The following TRIM6 variants were observed in gnomAD, a reference collection of about 807,000 sequenced individuals.
The protein encoded by TRIM6 is tripartite motif-containing protein 6.
A neutral mutation model predicts 51.2 loss-of-function variants in TRIM6; 43 were observed. That is an observed-to-expected ratio of 0.84 (90% CI 0.66 to 1.08). The LOEUF is 1.08. Ranked by LOEUF, TRIM6 falls within the 50% of genes least tolerant of loss-of-function variation. The pLI is 0.00. For synonymous variants in TRIM6, 215 were observed against 232.4 expected (o/e 0.93, Z 0.68); for missense variants, 669 against 619.0 (o/e 1.08, Z -0.86).
chr11:5,599,744 A>G (rs1847721271), intron 1 of TRIM6, among the ~76,000 whole-genome samples: 1 of 152,172 alleles, frequency 6.6e-6, no homozygotes, highest in Non-Finnish European at 1.5e-5. Context: ...ATAAGATAGC[A>G]CATTTATTTC....
chr11:5,603,612 TG>T lies in TRIM6; in HGVS notation c.386del (p.Gly129GlufsTer48), dbSNP rs778464353. The stretch of plus-strand genomic sequence containing the variant: ...TGAAAGCAGTTCTTTGTGCAGACCA[TG>T]GAGAAAAACTGCAGCTCTTCTGTCA... ...QLKAVLCADH[G>X]EKLQLFCQED... On this transcript the variant is annotated frameshift_variant, in exon 2 of 8. Coordinates refer to ENST00000380097, the MANE Select transcript of TRIM6 (RefSeq NM_001003818.3). LOFTEE classifies it high-confidence loss of function. The T allele has an allele frequency of 3.7e-6, 6 of 1,613,544 alleles. No homozygotes were observed. The South Asian group carries it at 6.6e-5, about 18-fold the overall frequency.
In TRIM6 at chr11:5,603,240, A is replaced by G. The variant is rs772484459; in HGVS notation, c.18-6A>G. ...TGATCCTTTTTTTGTTTGTTCATCT[A>G]CCTAGGATTCTACAGGCAGGAAACA... On this transcript the variant is annotated splice_polypyrimidine_tract_variant and splice_region_variant and intron_variant, in intron 1 of 7. Coordinates refer to ENST00000380097, the MANE Select transcript of TRIM6 (RefSeq NM_001003818.3). 1.8e-5 allele frequency: 29 copies of G among 1,612,122 alleles called. No individual in the cohort carries two copies. The East Asian group carries it at 6.5e-4, about 36-fold the overall frequency.
chr11:5,608,529 A>T (rs1848362804), intron 5 of TRIM6, 135 bp downstream of exon 5: 1 of 1,376,022 alleles, frequency 7.3e-7, no homozygotes. Context: ...CATCACATGG[A>T]GTTTTGGCAT....
In TRIM6 at chr11:5,611,412, A is replaced by G. The variant is rs1425888085; in HGVS notation, c.*70A>G. On this transcript the variant is annotated 3_prime_UTR_variant, in exon 8 of 8. Transcript: ENST00000380097. ...TATCAGCATGTGATTCTCCCTTCTGATCTTCTGTTTTTCTGTGTTCTCAAT... is the reference window on the plus strand; with the variant it reads ...TATCAGCATGTGATTCTCCCTTCTGGTCTTCTGTTTTTCTGTGTTCTCAAT... 1 of 1,249,964 alleles carries G rather than the reference A, an allele frequency of 8.0e-7. No individual in the cohort carries two copies. The highest frequency in any genetic ancestry group is 1.1e-6 in the Non-Finnish European group (1 of 888,416). The allele number at this position is 1,249,964 out of a possible 1,614,324, so 77.4% of individuals were successfully genotyped here.
chr11:5,596,936 C>T (rs916364823), intron 1 of TRIM6, 22 bp downstream of exon 1: 2 of 1,614,130 alleles, frequency 1.2e-6, no homozygotes, highest in East Asian at 4.5e-5. Flanking sequence ...GTTCTGTTGA[C>T]TGGCTCTTAT....
intron 1 of TRIM6, 58 bp from the exon 2 acceptor site, chr11:5,603,188 T>C: frequency 1.3e-6 from 2 of 1,565,306 alleles, no homozygotes; most frequent in Non-Finnish European, 1.7e-6. Flanking sequence ...CAGTCAGTAT[T>C]CCCTTATTCT....
Position 5,596,972 on chromosome 11 carries a change from G to T in TRIM6, c.17+58G>T. 3 of 1,613,364 alleles carry T rather than the reference G, an allele frequency of 1.9e-6. No homozygotes were observed. The East Asian group carries it at 6.7e-5, about 36-fold the overall frequency. On this transcript the variant is annotated intron_variant, in intron 1 of 7. Transcript: ENST00000380097. Reference sequence around the variant, plus strand: ...TGTCACTTCTGGCAGAGGTGACAGGGCAGTGAAAGAGATAAGGTCCTTTCC... The same window carrying T: ...TGTCACTTCTGGCAGAGGTGACAGGTCAGTGAAAGAGATAAGGTCCTTTCC...
chr11:5,603,510 G>T lies in TRIM6; in HGVS notation c.282G>T (p.Gly94=). The T allele has an allele frequency of 6.2e-7, 1 of 1,614,088 alleles. No homozygotes were observed. Among genetic ancestry groups the T allele is most frequent in the Non-Finnish European group, 8.5e-7 (1 of 1,179,974 alleles). The change falls in exon 2 of 8, where the codon GGG becomes GGT. Residue 94 remains glycine, a synonymous_variant. Transcript: ENST00000380097. The stretch of plus-strand genomic sequence containing the variant: ...TGTGCCAGACCAGCTACCAGCCAGG[G>T]AACCTGCGGCCTAATCGGCATCTGG... ...CPVCQTSYQP[G]NLRPNRHLAN... is the part of the protein sequence containing the mutation.
intron 1 of TRIM6, among the ~76,000 whole-genome samples, chr11:5,597,189 AACTTG>A: frequency 6.6e-6 from 1 of 152,246 alleles, no homozygotes; most frequent in East Asian, 1.9e-4. Flanking sequence ...GAAGACTGTT[AACTTG>A]ACTTCTTTGA....
At chr11:5,604,112 G>A (rs1469152646) in intron 2 of TRIM6, among the ~76,000 whole-genome samples, 1 of 152,072 alleles carries the variant, frequency 6.6e-6, no homozygotes, top group Non-Finnish European at 1.5e-5. Context: ...TCTCGTGCCT[G>A]GCCTCCCAAG....
Position 5,603,318 on chromosome 11 carries a change from T to C in TRIM6, c.90T>C (p.Thr30=), listed in dbSNP as rs1310511858. The C allele has an allele frequency of 6.2e-7, 1 of 1,613,970 alleles. No individual in the cohort carries two copies. Among genetic ancestry groups the C allele is most frequent in the Non-Finnish European group, 8.5e-7 (1 of 1,180,030 alleles). ...GAGCCAGGAGAGTAGCTACAATGAC[T>C]TCACCAGTACTGGTGGACATACGAG... ...QAGARRVATM[T]SPVLVDIREE... Residue 30 remains threonine (T), a synonymous_variant, in exon 2 of 8, where the codon ACT becomes ACC. Transcript: ENST00000380097.
At chr11:5,610,469 G>A (rs377363827) in intron 6 of TRIM6, 66 bp from the exon 7 acceptor site, 2 of 1,612,778 alleles carry the variant, frequency 1.2e-6, no homozygotes, top group Non-Finnish European at 1.7e-6. Flanking sequence ...ATGTAGTAAG[G>A]AGAGAGATAC....
At position 5,598,475 on chromosome 11, in the gene TRIM6, C is replaced by CATATGTAAT. The variant is rs568622695; in HGVS notation, c.17+1562_17+1570dup. Among the ~76,000 whole-genome samples the CATATGTAAT allele has an allele frequency of 7.5e-3, 1,148 of 152,218 alleles. 10 individuals are homozygous for CATATGTAAT. The highest frequency in any genetic ancestry group is 0.012 in the Non-Finnish European group (797 of 68,024). Reference sequence around the variant, plus strand: ...ATGAACTAGAAATAGAATGAAGCCACATATGTAATGTTACATACTCAAGTA... The same window carrying CATATGTAAT: ...ATGAACTAGAAATAGAATGAAGCCACATATGTAATATATGTAATGTTACATACTCAAGTA... On this transcript the variant is annotated intron_variant, in intron 1 of 7. Transcript: ENST00000380097.
In TRIM6 at chr11:5,610,985, G is replaced by A. The variant is rs778037310; in HGVS notation, c.1194G>A (p.Gly398=). The change falls in exon 8 of 8, where the codon GGG becomes GGA. Residue 398 remains glycine, a synonymous_variant. Coordinates refer to ENST00000380097, the MANE Select transcript of TRIM6 (RefSeq NM_001003818.3). ...DVAKKTAWIL[G]VCSNSLGPTF... ...CCAAGAAGACTGCCTGGATCCTGGG[G>A]GTATGCAGCAATTCACTGGGACCTA... 1 of 1,614,038 alleles carries A rather than the reference G, an allele frequency of 6.2e-7. No individual in the cohort carries two copies. Among genetic ancestry groups the A allele is most frequent in the Non-Finnish European group, 8.5e-7 (1 of 1,179,992 alleles).
In TRIM6 at chr11:5,604,577, A is replaced by T; in HGVS notation, c.551A>T (p.Gln184Leu). 6.2e-7 allele frequency: 1 copy of T among 1,613,412 alleles called. No homozygotes were observed. The highest frequency in any genetic ancestry group is 8.5e-7 in the Non-Finnish European group (1 of 1,179,742). The change falls in exon 3 of 8, where the codon CAG becomes CTG. Residue 184 changes from glutamine (Q) to leucine (L), a missense_variant. Transcript: ENST00000380097. ...CTAAAGAAGCTGAAGAACGAGGAGC[A>T]GGAAGCTGAGAAGCTAACAGCTTTT... is the stretch of plus-strand genomic sequence containing the variant. ...ESLKKLKNEEQEAEKLTAFIR... is the reference protein window; with the variant it reads ...ESLKKLKNEELEAEKLTAFIR...
chr11:5,596,990 T>G, intron 1 of TRIM6, 76 bp downstream of exon 1: 1 of 1,605,702 alleles, frequency 6.2e-7, no homozygotes, highest in South Asian at 1.1e-5. Context: ...AGAGATAAGG[T>G]CCTTTCCCTT....
chr11:5,598,117 T>C (rs1392191749), intron 1 of TRIM6, among the ~76,000 whole-genome samples: 1 of 152,180 alleles, frequency 6.6e-6, no homozygotes, highest in Non-Finnish European at 1.5e-5. Context: ...GACTGCAGGC[T>C]CTTCTCGTCT....
intron 4 of TRIM6, 62 bp from the exon 5 acceptor site, chr11:5,608,310 A>C (rs1316014327): frequency 1.9e-5 from 30 of 1,606,256 alleles, no homozygotes; most frequent in Non-Finnish European, 2.5e-5. Context: ...ACATGGAAGG[A>C]GAAATGTGGA....
intron 3 of TRIM6, chr11:5,604,839 A>G (rs909361254): frequency 1.9e-6 from 1 of 526,666 alleles, no homozygotes; most frequent in African/African-American, 1.9e-5. Context: ...GGAGACAATC[A>G]CATAGCAGAG....
Sources: gnomAD v4.1 joint callset for allele counts (sites outside exome capture counted in the v4.1 genomes callset) on GRCh38, gnomAD v4.1.1 for gene constraint, MANE v1.5 for transcripts, NCBI Gene and HGNC (gene_info 2026-07-23, HGNC 2026-07-21) for gene names.